ARMH4: variants seen among roughly 807,000 people sequenced by gnomAD.
ARMH4 encodes armadillo-like helical domain-containing protein 4.
ARMH4 carries 49 observed loss-of-function variants against 61.9 expected under a neutral mutation model. That is an observed-to-expected ratio of 0.79 (90% CI 0.63 to 1.00). The LOEUF is 1.00. Among genes scored for constraint, ARMH4 ranks in the 50% least tolerant of loss-of-function variants. ARMH4 has a pLI of 0.00. For missense variants in ARMH4, 934 were observed against 930.0 expected, an observed-to-expected ratio of 1.00 and a Z score of -0.06; for synonymous variants, 368 against 341.5, an observed-to-expected ratio of 1.08 and a Z score of -0.85.
intron 4 of ARMH4, among the ~76,000 whole-genome samples, chr14:58,102,011 C>G (rs190917802): frequency 6.6e-6 from 1 of 152,062 alleles, no homozygotes; most frequent in Non-Finnish European, 1.5e-5. Context: ...AACTTGGTGG[C>G]CTGCTGGGCT....
intron 5 of ARMH4, among the ~76,000 whole-genome samples, chr14:58,060,597 T>C (rs978168910): frequency 2.0e-5 from 3 of 152,148 alleles, no homozygotes; most frequent in African/African-American, 7.2e-5. Flanking sequence ...GACATTGACT[T>C]TGTAGATTAT....
chr14:58,044,134 C>T (rs1270101303), intron 5 of ARMH4, among the ~76,000 whole-genome samples: 1 of 151,972 alleles, frequency 6.6e-6, no homozygotes, highest in East Asian at 1.9e-4. Context: ...CATATGGAAC[C>T]AAAAAAGAGC....
chr14:58,132,746 T>G (rs1273754259), intron 3 of ARMH4, among the ~76,000 whole-genome samples: 4 of 151,670 alleles, frequency 2.6e-5, no homozygotes, highest in Non-Finnish European at 1.5e-5. Context: ...CCACCACGCC[T>G]GGGTAATTTT....
intron 2 of ARMH4, among the ~76,000 whole-genome samples, chr14:58,134,377 C>T (rs1211189191): frequency 1.3e-5 from 2 of 152,158 alleles, no homozygotes; most frequent in African/African-American, 4.8e-5. Flanking sequence ...CCCTCAAATA[C>T]AGTATTAAAG....
intron 5 of ARMH4, among the ~76,000 whole-genome samples, chr14:58,086,238 T>C (rs1885374017): frequency 6.6e-6 from 1 of 152,208 alleles, no homozygotes; most frequent in Non-Finnish European, 1.5e-5. Context: ...GGTCTGATCG[T>C]TTCTACAGTG....
At chr14:58,129,757 A>G (rs1274502077) in intron 4 of ARMH4, among the ~76,000 whole-genome samples, 1 of 152,248 alleles carries the variant, frequency 6.6e-6, no homozygotes, top group South Asian at 2.1e-4. Flanking sequence ...CTAATTAAAC[A>G]TAAGTTGTAC....
chr14:58,099,549 G>A lies in ARMH4; in HGVS notation c.1832-2568C>T, dbSNP rs191895339. On this transcript the variant is annotated intron_variant, in intron 4 of 7. Coordinates refer to ENST00000267485, the MANE Select transcript of ARMH4 (RefSeq NM_001001872.4). Reference sequence around the variant, plus strand: ...AATGATATAGACAAAGGCCAGGTTGGAGTGGTTCAAAAAAAGATTAGAAAA... The same window carrying A: ...AATGATATAGACAAAGGCCAGGTTGAAGTGGTTCAAAAAAAGATTAGAAAA... Among the ~76,000 whole-genome samples the A allele has an allele frequency of 4.1e-3, 625 of 152,230 alleles. 2 individuals are homozygous for A. The highest frequency in any genetic ancestry group is 0.01 in the Middle Eastern group (3 of 294).
rs201034964 is a variant in ARMH4 at position 58,143,765 on chromosome 14, C to CTTTTTTT, written c.-56-4358_-56-4352dup. ...AGGCATGAGCCACCGTGCCCATCCT[C>CTTTTTTT]TTTTTTTTTTTTTTTTTTTTTTTTC... On this transcript the variant is annotated intron_variant, in intron 1 of 7. Transcript: ENST00000267485. Among the ~76,000 whole-genome samples, 73 of 120,074 alleles carry CTTTTTTT rather than the reference C, an allele frequency of 6.1e-4. 7 individuals are homozygous for CTTTTTTT. The highest frequency in any genetic ancestry group is 2.7e-3 in the African/African-American group (67 of 25,168). The allele number at this position is 120,074 out of a possible 152,430, so 78.8% of individuals were successfully genotyped here. A position where few individuals can be genotyped will look rare whatever the true frequency, so the allele number is the denominator to read the frequency against.
At chr14:58,016,156 T>C (rs1882606332) in intron 5 of ARMH4, among the ~76,000 whole-genome samples, 1 of 152,066 alleles carries the variant, frequency 6.6e-6, no homozygotes, top group South Asian at 2.1e-4. Context: ...GCACAAAAAT[T>C]TTGTTTAAAT....
At chr14:58,051,794 C>T (rs1347871388) in intron 5 of ARMH4, among the ~76,000 whole-genome samples, 1 of 152,124 alleles carries the variant, frequency 6.6e-6, no homozygotes, top group Non-Finnish European at 1.5e-5. Context: ...AGCTTAGTGT[C>T]CAGTCTTCAC....
intron 5 of ARMH4, among the ~76,000 whole-genome samples, chr14:58,024,636 G>A (rs1021099738): frequency 1.3e-5 from 2 of 152,140 alleles, no homozygotes; most frequent in Middle Eastern, 3.2e-3. Context: ...AAGAGGCCTA[G>A]CTTTTGGACT....
chr14:58,060,695 A>G (rs1411106101), intron 5 of ARMH4, among the ~76,000 whole-genome samples: 1 of 152,188 alleles, frequency 6.6e-6, no homozygotes, highest in African/African-American at 2.4e-5. Flanking sequence ...ATGATTTACA[A>G]AATACCTCTC....
intron 5 of ARMH4, among the ~76,000 whole-genome samples, chr14:58,073,674 A>C (rs1320241853): frequency 6.6e-6 from 1 of 152,220 alleles, no homozygotes; most frequent in Non-Finnish European, 1.5e-5. Flanking sequence ...CAGAAGACAT[A>C]AGATGATGTG....
intron 5 of ARMH4, among the ~76,000 whole-genome samples, chr14:58,046,721 G>T (rs1361255505): frequency 6.6e-6 from 1 of 152,138 alleles, no homozygotes; most frequent in Non-Finnish European, 1.5e-5. Flanking sequence ...TTCATATACT[G>T]GCATTTGGGA....
At chr14:58,018,318 C>T (rs1409724473) in intron 5 of ARMH4, among the ~76,000 whole-genome samples, 2 of 151,856 alleles carry the variant, frequency 1.3e-5, no homozygotes, top group Non-Finnish European at 2.9e-5. Flanking sequence ...AAGGAGACAA[C>T]CAACAGAGTG....
intron 5 of ARMH4, among the ~76,000 whole-genome samples, chr14:58,083,069 G>C (rs1664035747): frequency 6.6e-6 from 1 of 152,108 alleles, no homozygotes; most frequent in South Asian, 2.1e-4. Flanking sequence ...ATGGAGATAT[G>C]GGTGAAAGAA....
intron 5 of ARMH4, among the ~76,000 whole-genome samples, chr14:58,021,839 A>C (rs1053822022): frequency 2.0e-5 from 3 of 152,196 alleles, no homozygotes; most frequent in Non-Finnish European, 2.9e-5. Context: ...TTCATTGATC[A>C]AACAAAACCT....
intron 5 of ARMH4, among the ~76,000 whole-genome samples, chr14:58,063,759 A>C (rs986501885): frequency 3.9e-5 from 6 of 152,196 alleles, no homozygotes; most frequent in Admixed American, 1.3e-4. Flanking sequence ...AGCAAAATCA[A>C]TGCCCATGTC....
chr14:58,048,837 C>T (rs996729450), intron 5 of ARMH4, among the ~76,000 whole-genome samples: 4 of 152,094 alleles, frequency 2.6e-5, no homozygotes, highest in African/African-American at 7.2e-5. Context: ...AAATGCTTTG[C>T]ACCCATAATT....
Sources: gnomAD v4.1 joint callset for allele counts (sites outside exome capture counted in the v4.1 genomes callset) on GRCh38, gnomAD v4.1.1 for gene constraint, MANE v1.5 for transcripts, NCBI Gene and HGNC (gene_info 2026-07-23, HGNC 2026-07-21) for gene names.